Variants in RAD18 observed in about 807,000 individuals in gnomAD.
RAD18 encodes the protein RAD18 E3 ubiquitin protein ligase, also known as E3 ubiquitin-protein ligase RAD18.
Under a neutral mutation model 60.4 loss-of-function variants are expected in RAD18, and 47 were observed. That is an observed-to-expected ratio of 0.78 (90% CI 0.62 to 0.99). The LOEUF (loss-of-function observed/expected upper bound fraction) is 0.99. Among genes scored for constraint, RAD18 ranks in the 50% least tolerant of loss-of-function variants. The pLI is 0.00. For synonymous variants in RAD18, 225 were observed against 195.5 expected (o/e 1.15, Z -1.26); for missense variants, 640 against 593.3 (o/e 1.08, Z -0.82).
chr3:8,891,982 T>TC (rs1939699301), intron 11 of RAD18, among the ~76,000 whole-genome samples: 1 of 152,236 alleles, frequency 6.6e-6, no homozygotes, highest in African/African-American at 2.4e-5. Flanking sequence ...GGTATAGCAG[T>TC]CAGTGTTACT....
chr3:8,900,348 ATT>A (rs1359215813), intron 10 of RAD18, among the ~76,000 whole-genome samples: 1 of 152,220 alleles, frequency 6.6e-6, no homozygotes, highest in African/African-American at 2.4e-5. Flanking sequence ...CAGGGACTAT[ATT>A]ACTCAACTAG....
chr3:8,927,300 C>A (rs1454223457), intron 7 of RAD18, among the ~76,000 whole-genome samples: 2 of 152,158 alleles, frequency 1.3e-5, no homozygotes, highest in African/African-American at 4.8e-5. Flanking sequence ...CCAAAAGACA[C>A]ATGAAAAAAT....
intron 6 of RAD18, among the ~76,000 whole-genome samples, chr3:8,939,082 C>G (rs950101585): frequency 6.6e-6 from 1 of 151,660 alleles, no homozygotes; most frequent in Non-Finnish European, 1.5e-5. Context: ...CATTTTTGTA[C>G]CTTTTTATAT....
intron 7 of RAD18, among the ~76,000 whole-genome samples, chr3:8,916,365 G>A (rs984405430): frequency 3.3e-5 from 5 of 152,160 alleles, no homozygotes; most frequent in Non-Finnish European, 7.3e-5. Context: ...TGATCCAAGT[G>A]ATACGTAACA....
At chr3:8,928,671 G>C (rs945501874) in intron 7 of RAD18, among the ~76,000 whole-genome samples, 4 of 152,088 alleles carry the variant, frequency 2.6e-5, no homozygotes, top group Non-Finnish European at 5.9e-5. Context: ...AATATAGTTG[G>C]ATATTTCAAA....
intron 6 of RAD18, among the ~76,000 whole-genome samples, chr3:8,938,819 A>G (rs1017097420): frequency 1.3e-5 from 2 of 152,154 alleles, no homozygotes; most frequent in African/African-American, 4.8e-5. Context: ...AGACTCATCT[A>G]AATTGTGTCT....
At chr3:8,958,366 T>C (rs944902408) in intron 2 of RAD18, among the ~76,000 whole-genome samples, 2 of 152,204 alleles carry the variant, frequency 1.3e-5, no homozygotes, top group Non-Finnish European at 2.9e-5. Context: ...ATGCACTAAA[T>C]ATCTTAAGGT....
intron 2 of RAD18, among the ~76,000 whole-genome samples, chr3:8,957,836 C>T (rs2124846636): frequency 6.6e-6 from 1 of 152,236 alleles, no homozygotes; most frequent in African/African-American, 2.4e-5. Context: ...GCAGTAGTAA[C>T]ACAGCATACA....
intron 6 of RAD18, among the ~76,000 whole-genome samples, chr3:8,937,889 T>G (rs753169517): frequency 3.3e-5 from 5 of 152,132 alleles, no homozygotes; most frequent in Non-Finnish European, 7.4e-5. Flanking sequence ...TAAACCACTA[T>G]TAGAACTTAA....
Position 8,948,566 on chromosome 3 carries a change from G to A in RAD18, c.138C>T (p.Cys46=), listed in dbSNP as rs1294103683. 6.2e-7 allele frequency: 1 copy of A among 1,610,194 alleles called. No homozygotes were observed. Among genetic ancestry groups the A allele is most frequent in the Admixed American group, 1.7e-5 (1 of 59,924 alleles). The change falls in exon 3 of 13, where the codon TGC becomes TGT. Residue 46 remains cysteine, a synonymous_variant. Coordinates refer to ENST00000264926, the MANE Select transcript of RAD18 (RefSeq NM_020165.4). ...ACAGAAATTTTCTTATACAGAGAGA[G>A]CAGTCTGCAAAACACAAAGTGCAAC... ...MIIPQCSHNY[C]SLCIRKFLSY... is the part of the protein sequence containing the mutation.
intron 7 of RAD18, among the ~76,000 whole-genome samples, chr3:8,916,247 G>C (rs545068767): frequency 6.6e-6 from 1 of 152,280 alleles, no homozygotes; most frequent in Non-Finnish European, 1.5e-5. Flanking sequence ...GGGCAGGATC[G>C]CTGAAAAAGC....
At chr3:8,935,673 T>C (rs1407243614) in intron 7 of RAD18, among the ~76,000 whole-genome samples, 198 bp downstream of exon 7, 1 of 152,154 alleles carries the variant, frequency 6.6e-6, no homozygotes, top group Non-Finnish European at 1.5e-5. Context: ...AGAAGGGATC[T>C]GGGGATTGGA....
Position 8,926,762 on chromosome 3 carries a change from A to G in RAD18, c.889+9109T>C, listed in dbSNP as rs1047350435. ...CCCTCAGAAATAATGCCGCATATCT[A>G]CGACTATCTGATCTTTGACAAACCT... On this transcript the variant is annotated intron_variant, in intron 7 of 12. Transcript: ENST00000264926. Among the ~76,000 whole-genome samples, 3 of 152,342 alleles carry G rather than the reference A, an allele frequency of 2.0e-5. No homozygotes were observed. In the South Asian group the frequency reaches 6.2e-4, roughly 32 times the overall value.
At chr3:8,903,719 C>T (rs1939953749) in intron 9 of RAD18, among the ~76,000 whole-genome samples, 1 of 152,130 alleles carries the variant, frequency 6.6e-6, no homozygotes, top group South Asian at 2.1e-4. Flanking sequence ...TATCTAGCAA[C>T]GTTAAATACT....
At chr3:8,922,524 TC>T (rs1348660870) in intron 7 of RAD18, among the ~76,000 whole-genome samples, 37 of 152,184 alleles carry the variant, frequency 2.4e-4, no homozygotes, top group Non-Finnish European at 4.3e-4. Flanking sequence ...AGCAGAAACC[TC>T]TGCAGGCTTA....
At chr3:8,907,277 T>C (rs186687170) in intron 9 of RAD18, among the ~76,000 whole-genome samples, 1 of 152,018 alleles carries the variant, frequency 6.6e-6, no homozygotes, top group Non-Finnish European at 1.5e-5. Flanking sequence ...ATATGTTTTG[T>C]ACATTCATTT....
intron 9 of RAD18, among the ~76,000 whole-genome samples, chr3:8,911,022 T>C (rs998496651): frequency 2.6e-5 from 4 of 152,162 alleles, no homozygotes; most frequent in Non-Finnish European, 5.9e-5. Context: ...AAAAACTACA[T>C]GTAAAACATT....
intron 9 of RAD18, among the ~76,000 whole-genome samples, chr3:8,907,668 C>A (rs1940035867): frequency 6.6e-6 from 1 of 152,214 alleles, no homozygotes; most frequent in African/African-American, 2.4e-5. Context: ...CAGACAGATG[C>A]AGCTAACTTC....
chr3:8,941,564 G>C lies in RAD18; in HGVS notation c.507C>G (p.Thr169=). ...PQKEASPAAK[T]KETRSVEEIA... ...TCTCTTCTACAGAACGTGTCTCTTT[G>C]GTCTTTGCAGCAGGGCTCGCCTCTT... The change falls in exon 5 of 13, where the codon ACC becomes ACG. Residue 169 remains threonine (T), a synonymous_variant. Coordinates refer to ENST00000264926, the MANE Select transcript of RAD18 (RefSeq NM_020165.4). 3 of 1,614,028 alleles carry C rather than the reference G, an allele frequency of 1.9e-6. No individual in the cohort carries two copies. The highest frequency in any genetic ancestry group is 2.5e-6 in the Non-Finnish European group (3 of 1,179,978).
Sources: allele counts gnomAD v4.1 joint callset (sites outside exome capture counted in the v4.1 genomes callset), GRCh38; gene constraint gnomAD v4.1.1; transcripts MANE v1.5; gene names NCBI Gene and HGNC (gene_info 2026-07-23, HGNC 2026-07-21).